Variants in RANBP17 observed in about 807,000 individuals in gnomAD.
RANBP17 encodes the protein ran-binding protein 17.
RANBP17 carries 158 observed loss-of-function variants against 141.2 expected under a neutral mutation model. The observed-to-expected ratio is 1.12, with a 90% CI of 0.98 to 1.28. The LOEUF is 1.28. Ranked by LOEUF, RANBP17 falls within the 50% of genes most tolerant of loss-of-function variation. The pLI is 0.00. For synonymous variants in RANBP17, 430 were observed against 450.0 expected (o/e 0.96, Z 0.56); for missense variants, 1,438 against 1,290.7 (o/e 1.11, Z -1.75).
At chr5:171,237,130 A>G (rs72827597) in intron 22 of RANBP17, among the ~76,000 whole-genome samples, 5,124 of 152,182 alleles carry the variant, frequency 0.034, 113 homozygotes, top group South Asian at 0.054. Flanking sequence ...ACATCTTCCT[A>G]TGTGTATCCC....
intron 14 of RANBP17, among the ~76,000 whole-genome samples, chr5:171,093,785 A>G (rs1306507107): frequency 2.0e-5 from 3 of 152,220 alleles, no homozygotes; most frequent in South Asian, 2.1e-4. Context: ...GCTTTGGGCA[A>G]TAGAGTAATG....
chr5:170,897,451 G>T (rs1378630685), intron 5 of RANBP17: 1 of 377,312 alleles, frequency 2.7e-6, no homozygotes, highest in Non-Finnish European at 5.1e-6. Flanking sequence ...TACATGTGCA[G>T]AATGTACAGG....
chr5:170,904,861 TG>T (rs1191454182), intron 5 of RANBP17, among the ~76,000 whole-genome samples: 1 of 152,210 alleles, frequency 6.6e-6, no homozygotes, highest in African/African-American at 2.4e-5. Flanking sequence ...AAGTAGGTAC[TG>T]GGAATAGAAG....
chr5:171,253,047 G>C (rs796944598), intron 24 of RANBP17: 4 of 975,574 alleles, frequency 4.1e-6, no homozygotes, highest in South Asian at 3.9e-5. Flanking sequence ...ATTTTGGAAA[G>C]GATCAAGCAC....
At chr5:171,107,676 A>G (rs1483723525) in intron 14 of RANBP17, among the ~76,000 whole-genome samples, 1 of 152,216 alleles carries the variant, frequency 6.6e-6, no homozygotes, top group Admixed American at 6.5e-5. Context: ...AATTCATAAC[A>G]TAGTTTGAAT....
At chr5:171,173,633 A>T (rs918605700) in intron 16 of RANBP17, among the ~76,000 whole-genome samples, 5 of 151,950 alleles carry the variant, frequency 3.3e-5, no homozygotes, top group African/African-American at 4.8e-5. Context: ...ATCACACAAG[A>T]CCCCCATTTT....
intron 21 of RANBP17, among the ~76,000 whole-genome samples, chr5:171,216,878 T>A (rs1282525479): frequency 1.3e-5 from 2 of 152,218 alleles, no homozygotes; most frequent in Admixed American, 1.3e-4. Context: ...TGACTTCCTG[T>A]CTTCCTATCT....
intron 1 of RANBP17, chr5:170,866,863 C>T (rs1171748063): frequency 6.6e-6 from 1 of 152,224 alleles, no homozygotes; most frequent in African/African-American, 2.4e-5. Context: ...TGCCTGTAGT[C>T]CCAGCTACTT....
intron 18 of RANBP17, among the ~76,000 whole-genome samples, chr5:171,193,001 T>C (rs1184620556): frequency 6.6e-6 from 1 of 152,264 alleles, no homozygotes; most frequent in East Asian, 1.9e-4. Context: ...AAGTGGTATC[T>C]TAATGAAGCA....
chr5:171,073,676 TAC>T (rs1438773858), intron 14 of RANBP17, among the ~76,000 whole-genome samples: 4 of 152,178 alleles, frequency 2.6e-5, no homozygotes, highest in African/African-American at 9.7e-5. Context: ...CCCCGGTAGC[TAC>T]AGACTCATTC....
At chr5:171,149,300 C>T (rs1214965844) in intron 14 of RANBP17, among the ~76,000 whole-genome samples, 1 of 152,172 alleles carries the variant, frequency 6.6e-6, no homozygotes, top group East Asian at 1.9e-4. Context: ...CTGAAGTCCA[C>T]ATAGTTATAT....
At chr5:171,278,639 C>G (rs1048675797) in intron 25 of RANBP17, among the ~76,000 whole-genome samples, 1 of 152,186 alleles carries the variant, frequency 6.6e-6, no homozygotes, top group Admixed American at 6.5e-5. Flanking sequence ...AAAAAAGAAG[C>G]AGACATGCCG....
intron 14 of RANBP17, among the ~76,000 whole-genome samples, chr5:170,984,841 TAAC>T (rs1266426833): frequency 3.9e-5 from 6 of 152,172 alleles, no homozygotes; most frequent in Non-Finnish European, 7.3e-5. Context: ...AGTTTATTGA[TAAC>T]AATTTTAAGT....
At chr5:171,275,969 G>T (rs1379157401) in intron 25 of RANBP17, among the ~76,000 whole-genome samples, 1 of 152,184 alleles carries the variant, frequency 6.6e-6, no homozygotes, top group Admixed American at 6.5e-5. Context: ...ATCTGCTACT[G>T]GTTTATGTAG....
chr5:171,244,857 G>T (rs1321542099), intron 24 of RANBP17, among the ~76,000 whole-genome samples: 1 of 152,082 alleles, frequency 6.6e-6, no homozygotes, highest in African/African-American at 2.4e-5. Flanking sequence ...CAGGCGCGGT[G>T]GCTCACGCCT....
chr5:170,914,296 G>A (rs1771771188), intron 8 of RANBP17, 56 bp downstream of exon 8: 12 of 1,110,892 alleles, frequency 1.1e-5, no homozygotes, highest in African/African-American at 4.8e-5. Flanking sequence ...ATAAGGGGTG[G>A]TATATATTTA....
chr5:171,062,095 G>A (rs1280240593), intron 14 of RANBP17, among the ~76,000 whole-genome samples: 1 of 151,190 alleles, frequency 6.6e-6, no homozygotes, highest in African/African-American at 2.4e-5. Context: ...CACACTGATG[G>A]GTCTTGACTC....
intron 14 of RANBP17, among the ~76,000 whole-genome samples, chr5:171,136,793 G>C (rs546829537): frequency 1.3e-5 from 2 of 152,224 alleles, no homozygotes; most frequent in African/African-American, 4.8e-5. Context: ...TTTTCCGCTT[G>C]ATGTACACAA....
chr5:171,248,198 C>G (rs559068436), intron 24 of RANBP17, among the ~76,000 whole-genome samples: 2 of 152,112 alleles, frequency 1.3e-5, no homozygotes, highest in Admixed American at 6.5e-5. Context: ...AACCTCGTCT[C>G]TACTAAAAAT....
Sources: allele counts gnomAD v4.1 joint callset (sites outside exome capture counted in the v4.1 genomes callset), GRCh38; gene constraint gnomAD v4.1.1; transcripts MANE v1.5; gene names NCBI Gene and HGNC (gene_info 2026-07-23, HGNC 2026-07-21).